The following BCL3 variants were observed in gnomAD, a reference collection of about 807,000 sequenced individuals.
BCL3 encodes the protein B-cell lymphoma 3 protein.
In BCL3, 15 loss-of-function variants were observed where a neutral mutation model predicts 35.7. The ratio of observed to expected loss-of-function variants is 0.42; its 90% CI spans 0.28 to 0.65. The LOEUF (loss-of-function observed/expected upper bound fraction) is 0.65, where lower values mean the gene tolerates loss of function less well. Among genes scored for constraint, BCL3 ranks in the 30% least tolerant of loss-of-function variants. The probability of loss-of-function intolerance (pLI) is 0.22; values close to 1 mark genes in which losing one functional copy is unlikely to be tolerated. For missense variants in BCL3, 565 were observed against 641.7 expected (o/e 0.88, Z 1.29); for synonymous variants, 311 against 284.3 (o/e 1.09, Z -0.95).
At position 44,756,295 on chromosome 19, in the gene BCL3, C is replaced by T; in HGVS notation, c.474C>T (p.Phe158=). 1 of 1,550,398 alleles carries T rather than the reference C, an allele frequency of 6.4e-7. No homozygotes were observed. Among genetic ancestry groups the T allele is most frequent in the Non-Finnish European group, 8.7e-7 (1 of 1,144,508 alleles). The change falls in exon 3 of 9, where the codon TTC becomes TTT. Residue 158 remains phenylalanine (F), a synonymous_variant. Transcript: ENST00000164227. ...CTGTGCACCGGCTGGTCAACCTCTT[C>T]CAGCAGGGGGGCCGGGAGCTCGACA... ...LPAVHRLVNL[F]QQGGRELDIY... is the part of the protein sequence containing the mutation.
intron 1 of BCL3, among the ~76,000 whole-genome samples, chr19:44,749,988 C>T (rs1967146437): frequency 6.6e-6 from 1 of 152,184 alleles, no homozygotes. Context: ...TCTCTCCATC[C>T]TATCTCCATC....
chr19:44,752,097 C>T (rs1282054296), intron 2 of BCL3, among the ~76,000 whole-genome samples: 1 of 152,068 alleles, frequency 6.6e-6, no homozygotes, highest in Non-Finnish European at 1.5e-5. Flanking sequence ...CACACACACA[C>T]ACACACACAC....
At chr19:44,752,489 G>A (rs879284363) in intron 2 of BCL3, among the ~76,000 whole-genome samples, 7 of 151,708 alleles carry the variant, frequency 4.6e-5, no homozygotes, top group African/African-American at 7.3e-5. Flanking sequence ...TTACAGATGT[G>A]AGCCACCGAG....
chr19:44,752,909 C>T (rs1408591362), intron 2 of BCL3, among the ~76,000 whole-genome samples: 1 of 152,142 alleles, frequency 6.6e-6, no homozygotes. Context: ...CTGGAAACCA[C>T]AGGTAGAGAT....
intron 2 of BCL3, among the ~76,000 whole-genome samples, chr19:44,752,539 C>A (rs888281145): frequency 1.3e-5 from 2 of 151,972 alleles, no homozygotes; most frequent in South Asian, 4.2e-4. Flanking sequence ...CTATTCTAGT[C>A]GACTTCATTG....
chr19:44,750,315 A>G (rs1414970799), intron 1 of BCL3, among the ~76,000 whole-genome samples: 2 of 151,390 alleles, frequency 1.3e-5, no homozygotes, highest in South Asian at 2.1e-4. Context: ...GTTTTTTGAG[A>G]CAGAGTTTTG....
intron 1 of BCL3, among the ~76,000 whole-genome samples, chr19:44,749,855 G>T (rs1417928268): frequency 6.6e-6 from 1 of 152,138 alleles, no homozygotes; most frequent in Non-Finnish European, 1.5e-5. Flanking sequence ...AATTTCAGGG[G>T]TCTCCAGACA....
In BCL3 at chr19:44,751,301, T is replaced by A. The variant is rs775268394; in HGVS notation, c.331T>A (p.Tyr111Asn). 6.2e-7 allele frequency: 1 copy of A among 1,609,338 alleles called. No individual in the cohort carries two copies. Among genetic ancestry groups the A allele is most frequent in the East Asian group, 2.2e-5 (1 of 44,588 alleles). ...FPLVNLPTPL[Y>N]PMMCPMEHPL... ...TCTGGTGAACCTGCCTACACCCCTA[T>A]ACCCCATGATGTGCCCCATGGAACA... The change falls in exon 2 of 9, where the codon TAC becomes AAC. Residue 111 changes from tyrosine to asparagine, a missense_variant. Coordinates refer to ENST00000164227, the MANE Select transcript of BCL3 (RefSeq NM_005178.5).
At position 44,757,434 on chromosome 19, in the gene BCL3, C is replaced by A; in HGVS notation, c.813+19C>A. On this transcript the variant is annotated intron_variant, in intron 5 of 8. Transcript: ENST00000164227. The surrounding 1 kb of genome is among the most constrained non-coding windows in gnomAD (Gnocchi z 8.4). ...CGCAGTGGTGAGCGTGCACTAGGAG[C>A]TGGGAGGGAGCGGGGCCTTAGCAGG... 11 of 1,287,966 alleles carry A rather than the reference C, an allele frequency of 8.5e-6. No homozygotes were observed. The highest frequency in any genetic ancestry group is 1.2e-5 in the Non-Finnish European group (11 of 955,390). The allele number at this position is 1,287,966 out of a possible 1,614,324, so 79.8% of individuals were successfully genotyped here.
At chr19:44,747,892 C>T, upstream of BCL3, 1 of 1,158,544 alleles carries the variant, frequency 8.6e-7, no homozygotes, top group Non-Finnish European at 1.1e-6. Context: ...GGGCAGGGCC[C>T]CCAACGAGTG....
chr19:44,757,443 A>G lies in BCL3; in HGVS notation c.813+28A>G. 2 of 1,145,558 alleles carry G rather than the reference A, an allele frequency of 1.7e-6. No homozygotes were observed. The highest frequency in any genetic ancestry group is 2.4e-6 in the Non-Finnish European group (2 of 849,428). The allele number at this position is 1,145,558 out of a possible 1,614,324, so 71.0% of individuals were successfully genotyped here. A position where few individuals can be genotyped will look rare whatever the true frequency, so the allele number is the denominator to read the frequency against. On this transcript the variant is annotated intron_variant, in intron 5 of 8. Transcript: ENST00000164227. The surrounding 1 kb of genome is among the most constrained non-coding windows in gnomAD (Gnocchi z 8.4). ...GAGCGTGCACTAGGAGCTGGGAGGGAGCGGGGCCTTAGCAGGGGCGGGGTC... is the reference window on the plus strand; with the variant it reads ...GAGCGTGCACTAGGAGCTGGGAGGGGGCGGGGCCTTAGCAGGGGCGGGGTC...
chr19:44,758,363 C>A lies in BCL3; in HGVS notation c.1009C>A (p.Leu337Ile). The A allele has an allele frequency of 1.3e-6, 2 of 1,552,790 alleles. No homozygotes were observed. Among genetic ancestry groups the A allele is most frequent in the Non-Finnish European group, 8.7e-7 (1 of 1,152,346 alleles). The change falls in exon 7 of 9, where the codon CTC becomes ATC. Residue 337 changes from leucine to isoleucine, a missense_variant. By Grantham distance (5) the Leu-to-Ile change is conservative (BLOSUM62 2). Transcript: ENST00000164227. ...GGTCCGCAGCGGCGCTGACAGCAGC[C>A]TCAAGAACTGCCACAACGACACGCC... is the stretch of plus-strand genomic sequence containing the variant. ...TLVRSGADSS[L>I]KNCHNDTPLM...
chr19:44,756,752 G>A (rs1419815140), intron 3 of BCL3, among the ~76,000 whole-genome samples: 2 of 151,470 alleles, frequency 1.3e-5, no homozygotes, highest in Non-Finnish European at 2.9e-5. Flanking sequence ...GAGGGAGGGG[G>A]CCTAAAGACC....
In BCL3 at chr19:44,759,543, C is replaced by T. The variant is rs1487212737; in HGVS notation, c.1293C>T (p.Phe431=). 9 of 1,613,248 alleles carry T rather than the reference C, an allele frequency of 5.6e-6. No individual in the cohort carries two copies. The highest frequency in any genetic ancestry group is 6.8e-6 in the Non-Finnish European group (8 of 1,179,838). The change falls in exon 9 of 9, where the codon TTC becomes TTT. Residue 431 remains phenylalanine, a synonymous_variant. Transcript: ENST00000164227. ...FFLPSPSPPA[F]LPFAGVLRGP... is the part of the protein sequence containing the mutation. ...TTCCTTCCCCATCTCCACCCGCCTT[C>T]CTGCCCTTTGCTGGGGTCCTCCGAG...
intron 1 of BCL3, among the ~76,000 whole-genome samples, chr19:44,750,682 T>C (rs959141360): frequency 1.1e-4 from 16 of 151,724 alleles, no homozygotes; most frequent in Non-Finnish European, 2.2e-4. Flanking sequence ...ACCTGGGAGG[T>C]TGAGGCAGGA....
rs373600361 is a variant in BCL3 at position 44,751,285 on chromosome 19, C to A, written c.315C>A (p.Asn105Lys). Reference sequence around the variant, plus strand: ...TGGGCTCCCCGTTTCCTCTGGTGAACCTGCCTACACCCCTATACCCCATGA... The same window carrying A: ...TGGGCTCCCCGTTTCCTCTGGTGAAACTGCCTACACCCCTATACCCCATGA... The part of the protein sequence containing the change: ...RAMGSPFPLV[N>K]LPTPLYPMMC... Residue 105 changes from asparagine to lysine, a missense_variant, in exon 2 of 9, where the codon AAC becomes AAA. Transcript: ENST00000164227. The A allele has an allele frequency of 2.2e-5, 36 of 1,610,300 alleles. No individual in the cohort carries two copies. The highest frequency in any genetic ancestry group is 2.9e-5 in the Non-Finnish European group (34 of 1,178,710).
At position 44,748,946 on chromosome 19, in the gene BCL3, C is replaced by A. The variant is rs891405234; in HGVS notation, c.156C>A (p.Gly52=). The A allele has an allele frequency of 2.4e-6, 3 of 1,248,022 alleles. No homozygotes were observed. The African/African-American group carries it at 4.7e-5, about 20-fold the overall frequency. 77.3% of individuals were successfully genotyped at this position (1,248,022 alleles called of 1,614,324 possible). A position where few individuals can be genotyped will look rare whatever the true frequency, so the allele number is the denominator to read the frequency against. ...PEPAAPRGAA[G]LVVPLDPLRG... ...CCGCCGCTCCCCGCGGCGCTGCGGG[C>A]CTTGTCGTCCCCCTGGACCCTCTGC... Residue 52 remains glycine, a synonymous_variant, in exon 1 of 9, where the codon GGC becomes GGA. Coordinates refer to ENST00000164227, the MANE Select transcript of BCL3 (RefSeq NM_005178.5).
At chr19:44,748,020 TCCTGGCCG>T, upstream of BCL3, 2 of 1,341,250 alleles carry the variant, frequency 1.5e-6, no homozygotes, top group Non-Finnish European at 2.0e-6. Flanking sequence ...GAGGAATCGT[TCCTGGCCG>T]CCTGCCGAGT....
In BCL3 at chr19:44,758,416, G is replaced by A; in HGVS notation, c.1059+3G>A. 1.3e-6 allele frequency: 2 copies of A among 1,541,982 alleles called. No individual in the cohort carries two copies. On this transcript the variant is annotated splice_donor_region_variant and intron_variant, in intron 7 of 8. Coordinates refer to ENST00000164227, the MANE Select transcript of BCL3 (RefSeq NM_005178.5). ...TCATGGTGGCGCGCAGCCGCAGGGT[G>A]AGCCGGGGCAGCTGTGGACATGCCC...
Sources: allele counts gnomAD v4.1 joint callset (sites outside exome capture counted in the v4.1 genomes callset), GRCh38; gene constraint gnomAD v4.1.1; non-coding constraint Gnocchi (gnomAD v3.1); transcripts MANE v1.5; gene names NCBI Gene and HGNC (gene_info 2026-07-23, HGNC 2026-07-21).